Variants in ABCA13 observed in about 807,000 individuals in gnomAD.
ABCA13 encodes ATP binding cassette subfamily A member 13.
ABCA13 carries 476 observed loss-of-function variants against 478.7 expected under a neutral mutation model. The observed-to-expected ratio is 0.99, with a 90% confidence interval of 0.92 to 1.07. The LOEUF (loss-of-function observed/expected upper bound fraction) is 1.07, where lower values mean the gene tolerates loss of function less well. Among genes scored for constraint, ABCA13 ranks in the 50% least tolerant of loss-of-function variants. The pLI, the probability that ABCA13 is intolerant of heterozygous loss-of-function variation, is 0.00. For missense variants in ABCA13, 6,060 were observed against 5,910.6 expected, an observed-to-expected ratio of 1.03 and a Z score of -0.83; for synonymous variants, 2,252 against 2,158.9, an observed-to-expected ratio of 1.04 and a Z score of -1.20.
chr7:48,451,575 A>G (rs1457888761), intron 42 of ABCA13, among the ~76,000 whole-genome samples: 1 of 152,192 alleles, frequency 6.6e-6, no homozygotes, highest in Admixed American at 6.5e-5. Flanking sequence ...CATATTGGCT[A>G]TTTTGTAAAT....
At chr7:48,477,373 A>C (rs987700454) in intron 45 of ABCA13, among the ~76,000 whole-genome samples, 3 of 152,174 alleles carry the variant, frequency 2.0e-5, no homozygotes, top group African/African-American at 7.2e-5. Context: ...CATTTGAGCC[A>C]GCCATCCCAT....
chr7:48,364,623 A>G (rs1349748766), intron 31 of ABCA13, among the ~76,000 whole-genome samples: 2 of 152,114 alleles, frequency 1.3e-5, no homozygotes, highest in Admixed American at 6.6e-5. Context: ...CAATGAGTTC[A>G]TTTTATTTTT....
Position 48,219,483 on chromosome 7 carries a change from G to A in ABCA13, c.417G>A (p.Trp139Ter). 1 of 1,612,236 alleles carries A rather than the reference G, an allele frequency of 6.2e-7. No homozygotes were observed. Among genetic ancestry groups the A allele is most frequent in the Non-Finnish European group, 8.5e-7 (1 of 1,179,230 alleles). The change falls in exon 4 of 62, where the codon TGG becomes TGA. Residue 139 changes from tryptophan (W) to a stop codon, truncating the protein, a stop_gained. Coordinates refer to ENST00000435803, the MANE Select transcript of ABCA13 (RefSeq NM_152701.5). LOFTEE classifies it high-confidence loss of function. ...AGGCAAAAAACTTAAAAAGACTTTG[G>A]GTAGAACGATCCAACACTCCAGGCA... ...MDKAKNLKRL[W>*]VERSNTPDSS...
At chr7:48,604,272 G>A (rs1237009225) in intron 58 of ABCA13, among the ~76,000 whole-genome samples, 3 of 151,964 alleles carry the variant, frequency 2.0e-5, no homozygotes, top group East Asian at 3.9e-4. Flanking sequence ...TCTTCTGCTC[G>A]CTTTTGAATT....
At chr7:48,415,771 C>T (rs539466318) in intron 41 of ABCA13, among the ~76,000 whole-genome samples, 6 of 152,038 alleles carry the variant, frequency 3.9e-5, no homozygotes, top group Non-Finnish European at 7.4e-5. Flanking sequence ...CTTTATATCA[C>T]GGGTGGATGC....
intron 45 of ABCA13, among the ~76,000 whole-genome samples, chr7:48,480,249 G>A (rs1316993921): frequency 6.6e-6 from 1 of 152,122 alleles, no homozygotes; most frequent in Non-Finnish European, 1.5e-5. Context: ...TGAGGAGATG[G>A]ATTTGAGACT....
intron 55 of ABCA13, among the ~76,000 whole-genome samples, chr7:48,558,078 CT>C (rs1786028914): frequency 6.6e-6 from 1 of 151,842 alleles, no homozygotes; most frequent in Non-Finnish European, 1.5e-5. Context: ...ATCAATTATA[CT>C]GTTAAGAGGC....
At chr7:48,219,554 A>G in intron 4 of ABCA13, 49 bp downstream of exon 4, 1 of 1,570,362 alleles carries the variant, frequency 6.4e-7, no homozygotes, top group Non-Finnish European at 8.6e-7. Context: ...GACATAGCTT[A>G]AGGAGAGCTG....
intron 35 of ABCA13, among the ~76,000 whole-genome samples, chr7:48,383,000 A>C (rs1050484589): frequency 1.3e-5 from 2 of 151,954 alleles, no homozygotes; most frequent in Non-Finnish European, 2.9e-5. Context: ...CTGAGGCCTC[A>C]CCTGTCCTAC....
chr7:48,570,555 C>T (rs570075778), intron 55 of ABCA13, among the ~76,000 whole-genome samples: 6 of 151,872 alleles, frequency 4.0e-5, no homozygotes, highest in Admixed American at 1.3e-4. Flanking sequence ...GATCTCCTCA[C>T]CTCGTGATCC....
intron 43 of ABCA13, among the ~76,000 whole-genome samples, chr7:48,466,610 T>C (rs1456208804): frequency 6.6e-6 from 1 of 152,226 alleles, no homozygotes; most frequent in Non-Finnish European, 1.5e-5. Context: ...CACAATATGA[T>C]ATTATGTAGC....
chr7:48,422,937 A>G (rs1820965998), intron 41 of ABCA13, among the ~76,000 whole-genome samples: 1 of 152,258 alleles, frequency 6.6e-6, no homozygotes, highest in Non-Finnish European at 1.5e-5. Flanking sequence ...GGCAGCCACT[A>G]GAAGTTGGGA....
At chr7:48,543,579 G>A (rs367604045) in intron 55 of ABCA13, among the ~76,000 whole-genome samples, 7 of 151,422 alleles carry the variant, frequency 4.6e-5, no homozygotes, top group East Asian at 1.9e-4. Flanking sequence ...AGCCGAGATC[G>A]CACCGTTGCA....
chr7:48,458,183 G>C lies in ABCA13; in HGVS notation c.12815+2897G>C, dbSNP rs369747485. On this transcript the variant is annotated intron_variant, in intron 43 of 61. Coordinates refer to ENST00000435803, the MANE Select transcript of ABCA13 (RefSeq NM_152701.5). ...AAGTGCCCTCTTATGAGTGATAAATGATGTGGCCATTCCTTCGTTATTGAA... is the reference window on the plus strand; with the variant it reads ...AAGTGCCCTCTTATGAGTGATAAATCATGTGGCCATTCCTTCGTTATTGAA... 2.0e-3 allele frequency among the ~76,000 whole-genome samples: 311 copies of C among 152,296 alleles called. 1 individual carries two copies. Among genetic ancestry groups the C allele is most frequent in the African/African-American group, 7.0e-3 (291 of 41,550 alleles).
chr7:48,330,894 G>T (rs886310394), intron 27 of ABCA13, among the ~76,000 whole-genome samples: 2 of 152,114 alleles, frequency 1.3e-5, no homozygotes, highest in South Asian at 4.1e-4. Flanking sequence ...GGGAATCGGG[G>T]GATGCTGTAT....
chr7:48,570,914 G>T (rs1435859751), intron 55 of ABCA13, among the ~76,000 whole-genome samples: 1 of 151,732 alleles, frequency 6.6e-6, no homozygotes, highest in African/African-American at 2.4e-5. Flanking sequence ...TGCTAAATAA[G>T]TATTTTCTAA....
At position 48,193,042 on chromosome 7, in the gene ABCA13, C is replaced by A. The variant is rs779052168; in HGVS notation, c.153C>A (p.Tyr51Ter). The A allele has an allele frequency of 6.5e-7, 1 of 1,532,544 alleles. No individual in the cohort carries two copies. The highest frequency in any genetic ancestry group is 1.2e-5 in the South Asian group (1 of 82,920). 94.9% of individuals were successfully genotyped at this position (1,532,544 alleles called of 1,614,324 possible). The change falls in exon 2 of 62, where the codon TAC becomes TAA. Residue 51 changes from tyrosine (Y) to a stop codon, truncating the protein, a stop_gained. Coordinates refer to ENST00000435803, the MANE Select transcript of ABCA13 (RefSeq NM_152701.5). LOFTEE classifies it high-confidence loss of function. ...TVLRFQEPPRYRDICYLQPRD... is the reference protein window; with the variant it reads ...TVLRFQEPPR The stretch of plus-strand genomic sequence containing the variant: ...TTCGTTTTCAAGAACCTCCCAGATA[C>A]AGAGACATTTGTAAGTTTCACTTTT...
chr7:48,244,399 C>T lies in ABCA13; in HGVS notation c.1263-177C>T, dbSNP rs1200134798. Among the ~76,000 whole-genome samples, 3 of 152,320 alleles carry T rather than the reference C, an allele frequency of 2.0e-5. No individual in the cohort carries two copies. In the East Asian group the frequency reaches 5.8e-4, roughly 29 times the overall value. On this transcript the variant is annotated intron_variant, in intron 10 of 61. Coordinates refer to ENST00000435803, the MANE Select transcript of ABCA13 (RefSeq NM_152701.5). The stretch of plus-strand genomic sequence containing the variant: ...TTCAGTATTGAAAGAATCTCCCAAT[C>T]AGGTGACTCAATGCAATTTGTCAAG...
chr7:48,318,966 A>G (rs1246319066), intron 27 of ABCA13, among the ~76,000 whole-genome samples: 1 of 152,190 alleles, frequency 6.6e-6, no homozygotes, highest in African/African-American at 2.4e-5. Flanking sequence ...AGCTCACCCT[A>G]TTGTGGGGAA....
Sources: allele counts gnomAD v4.1 joint callset (sites outside exome capture counted in the v4.1 genomes callset), GRCh38; gene constraint gnomAD v4.1.1; transcripts MANE v1.5; gene names NCBI Gene and HGNC (gene_info 2026-07-23, HGNC 2026-07-21).